Variants in XKR6 observed in about 807,000 individuals in gnomAD.
XKR6 encodes XK related 6.
Under a neutral mutation model 56.7 loss-of-function variants are expected in XKR6, and 22 were observed. That is an observed-to-expected ratio of 0.39 (90% CI 0.28 to 0.55). The LOEUF is 0.55. Ranked by LOEUF, XKR6 falls within the 20% of genes least tolerant of loss-of-function variation. XKR6 has a pLI of 0.66. For synonymous variants in XKR6, 524 were observed against 387.8 expected (o/e 1.35, Z -4.13); for missense variants, 852 against 889.0 (o/e 0.96, Z 0.53).
At chr8:10,929,819 G>C (rs561524251) in intron 1 of XKR6, among the ~76,000 whole-genome samples, 6 of 152,148 alleles carry the variant, frequency 3.9e-5, no homozygotes, top group Non-Finnish European at 8.8e-5. Flanking sequence ...AGCCATTACT[G>C]CTCCCTGAGG....
chr8:11,105,567 G>A (rs1251614390), intron 1 of XKR6: 6 of 152,198 alleles, frequency 3.9e-5, no homozygotes, highest in Admixed American at 3.3e-4. Flanking sequence ...ACTGATGACT[G>A]GGTAGAAAAG....
chr8:11,094,206 AAG>A (rs1563131847), intron 1 of XKR6, among the ~76,000 whole-genome samples: 1 of 151,852 alleles, frequency 6.6e-6, no homozygotes, highest in Non-Finnish European at 1.5e-5. Context: ...CAAACTTACA[AAG>A]GAGCAGAGCC....
intron 1 of XKR6, among the ~76,000 whole-genome samples, chr8:11,165,810 C>T (rs1802042623): frequency 6.6e-6 from 1 of 152,098 alleles, no homozygotes; most frequent in Admixed American, 6.5e-5. Flanking sequence ...AGCTCACGTA[C>T]AATGGTAGAA....
chr8:11,200,978 T>A lies in XKR6; in HGVS notation c.362A>T (p.Gln121Leu). ...GCAGTCGAGCCACGGCCGCTCCACC[T>A]GCGGCGGCGGCGGCTCCGGCCGCGC... ...SAARPEPPPP[Q>L]VERPWLDCLW... Residue 121 changes from glutamine to leucine, a missense_variant, in exon 1 of 3, where the codon CAG becomes CTG. Transcript: ENST00000416569. The surrounding 1 kb of genome is among the most constrained non-coding windows in gnomAD (Gnocchi z 6.4). The A allele has an allele frequency of 6.7e-7, 1 of 1,490,596 alleles. No individual in the cohort carries two copies. Among genetic ancestry groups the A allele is most frequent in the Non-Finnish European group, 8.9e-7 (1 of 1,120,498 alleles). The allele number at this position is 1,490,596 out of a possible 1,614,324, so 92.3% of individuals were successfully genotyped here.
intron 1 of XKR6, among the ~76,000 whole-genome samples, chr8:10,955,649 A>G (rs1801864452): frequency 6.6e-6 from 1 of 152,238 alleles, no homozygotes; most frequent in African/African-American, 2.4e-5. Context: ...AGTAGACAGC[A>G]GAGCTGGGAG....
chr8:11,144,171 A>C (rs1205039520), intron 1 of XKR6, among the ~76,000 whole-genome samples: 1 of 151,516 alleles, frequency 6.6e-6, no homozygotes, highest in Non-Finnish European at 1.5e-5. Context: ...TGCACAATTC[A>C]GTCCATAAAC....
chr8:11,131,438 T>C (rs767992768), intron 1 of XKR6, among the ~76,000 whole-genome samples: 3 of 152,178 alleles, frequency 2.0e-5, no homozygotes, highest in African/African-American at 7.2e-5. Flanking sequence ...TTATTTATGA[T>C]GTTAAAGAAG....
intron 1 of XKR6, among the ~76,000 whole-genome samples, chr8:11,188,201 C>G (rs994344203): frequency 6.6e-6 from 1 of 152,154 alleles, no homozygotes; most frequent in Non-Finnish European, 1.5e-5. Flanking sequence ...CAGACCCCAT[C>G]CAAAACCAGG....
intron 1 of XKR6, chr8:11,124,482 C>T (rs1799655358): frequency 6.1e-6 from 1 of 163,622 alleles, no homozygotes; most frequent in African/African-American, 2.4e-5. Flanking sequence ...ATTACATGGG[C>T]TCCATAGAAT....
chr8:11,149,045 G>GA (rs1667841871), intron 1 of XKR6, among the ~76,000 whole-genome samples: 1 of 152,206 alleles, frequency 6.6e-6, no homozygotes, highest in African/African-American at 2.4e-5. Flanking sequence ...GGCACATAAG[G>GA]AAACTGTGGG....
intron 1 of XKR6, among the ~76,000 whole-genome samples, chr8:11,194,142 C>T (rs1047736358): frequency 3.3e-5 from 5 of 152,206 alleles, no homozygotes; most frequent in Non-Finnish European, 7.3e-5. Context: ...ATTAAGTGAT[C>T]AAACCAGAAT....
intron 1 of XKR6, among the ~76,000 whole-genome samples, chr8:11,181,707 G>A (rs976424032): frequency 2.0e-5 from 3 of 152,214 alleles, no homozygotes; most frequent in Non-Finnish European, 2.9e-5. Context: ...GGCAGGTAGT[G>A]AGCCAGGCAG....
At chr8:11,145,686 T>C (rs1276785635) in intron 1 of XKR6, among the ~76,000 whole-genome samples, 1 of 152,200 alleles carries the variant, frequency 6.6e-6, no homozygotes, top group Non-Finnish European at 1.5e-5. Context: ...TACAACATAA[T>C]TGCTAAGAGA....
chr8:11,168,008 G>A (rs886072715), intron 1 of XKR6, among the ~76,000 whole-genome samples: 1 of 151,472 alleles, frequency 6.6e-6, no homozygotes, highest in African/African-American at 2.4e-5. Context: ...AAAAATAGTT[G>A]GGAAAAGTCA....
intron 1 of XKR6, among the ~76,000 whole-genome samples, chr8:10,978,264 T>C (rs1802626687): frequency 6.6e-6 from 1 of 152,250 alleles, no homozygotes; most frequent in African/African-American, 2.4e-5. Flanking sequence ...GGATAGTTCA[T>C]AACTACACCA....
At chr8:10,962,691 T>C (rs572402127) in intron 1 of XKR6, among the ~76,000 whole-genome samples, 7 of 152,082 alleles carry the variant, frequency 4.6e-5, no homozygotes, top group Admixed American at 6.5e-5. Context: ...AATGGCGTGA[T>C]CTCAGCTCAT....
At chr8:11,122,645 T>C (rs770506918) in intron 1 of XKR6, among the ~76,000 whole-genome samples, 5 of 152,254 alleles carry the variant, frequency 3.3e-5, no homozygotes, top group Non-Finnish European at 7.3e-5. Flanking sequence ...CAGGCCACCA[T>C]AATTGGTAAA....
At chr8:11,122,129 G>T (rs776094854) in intron 1 of XKR6, among the ~76,000 whole-genome samples, 17 of 152,168 alleles carry the variant, frequency 1.1e-4, no homozygotes, top group Non-Finnish European at 2.5e-4. Context: ...CAGATGAACT[G>T]CTGTTGCCAC....
intron 1 of XKR6, among the ~76,000 whole-genome samples, chr8:11,021,330 A>G (rs1261440044): frequency 6.6e-6 from 1 of 152,218 alleles, no homozygotes; most frequent in Non-Finnish European, 1.5e-5. Flanking sequence ...CAAGGGGTAC[A>G]GCTAAAGTGA....
Sources: gnomAD v4.1 joint callset for allele counts (sites outside exome capture counted in the v4.1 genomes callset) on GRCh38, gnomAD v4.1.1 for gene constraint, Gnocchi (gnomAD v3.1) non-coding constraint, MANE v1.5 for transcripts, NCBI Gene and HGNC (gene_info 2026-07-23, HGNC 2026-07-21) for gene names.